The following SLC5A8 variants were observed in gnomAD, a reference collection of about 807,000 sequenced individuals.
SLC5A8 encodes solute carrier family 5 member 8.
A neutral mutation model predicts 71.9 loss-of-function variants in SLC5A8; 55 were observed. The observed-to-expected ratio is 0.77, with a 90% CI of 0.62 to 0.96. The LOEUF is 0.96. Ranked by LOEUF, SLC5A8 falls within the 40% of genes least tolerant of loss-of-function variation. SLC5A8 has a pLI of 0.00. For synonymous variants in SLC5A8, 307 were observed against 276.1 expected (o/e 1.11, Z -1.11); for missense variants, 701 against 745.3 (o/e 0.94, Z 0.69).
intron 1 of SLC5A8, among the ~76,000 whole-genome samples, chr12:101,205,523 A>C (rs1869642334): frequency 6.6e-6 from 1 of 152,216 alleles, no homozygotes; most frequent in African/African-American, 2.4e-5. Context: ...ATTACTAAGA[A>C]GTTTAAGGCT....
chr12:101,169,651 C>CAG (rs1358343796), intron 10 of SLC5A8, among the ~76,000 whole-genome samples: 1 of 152,160 alleles, frequency 6.6e-6, no homozygotes, highest in Non-Finnish European at 1.5e-5. Flanking sequence ...TCCAGGATCC[C>CAG]AGAGGAGCAG....
At chr12:101,171,868 C>T (rs1400191409) in intron 10 of SLC5A8, among the ~76,000 whole-genome samples, 2 of 152,030 alleles carry the variant, frequency 1.3e-5, no homozygotes, top group Admixed American at 6.6e-5. Context: ...TCAGGCCACC[C>T]GGAGTAGCAG....
At chr12:101,182,961 A>C (rs370867293) in intron 8 of SLC5A8, 46 bp from the exon 9 acceptor site, 478 of 1,090,540 alleles carry the variant, frequency 4.4e-4, no homozygotes, top group Non-Finnish European at 5.8e-4. Context: ...TTTACCTTTA[A>C]TAATACTTTA....
intron 3 of SLC5A8, among the ~76,000 whole-genome samples, chr12:101,198,436 G>A (rs1265784597): frequency 6.6e-6 from 1 of 151,810 alleles, no homozygotes; most frequent in African/African-American, 2.4e-5. Flanking sequence ...TCGATATTAG[G>A]AATAATTAGA....
At chr12:101,201,887 C>T (rs910276547) in intron 3 of SLC5A8, among the ~76,000 whole-genome samples, 2 of 152,136 alleles carry the variant, frequency 1.3e-5, no homozygotes, top group African/African-American at 4.8e-5. Context: ...CTACAGGGAG[C>T]TTTAATTCTA....
chr12:101,165,406 C>T (rs2051759807), intron 12 of SLC5A8, among the ~76,000 whole-genome samples: 1 of 152,134 alleles, frequency 6.6e-6, no homozygotes, highest in Non-Finnish European at 1.5e-5. Flanking sequence ...TTCAATTAAT[C>T]TTTTCTCCCT....
rs1326669853 is a variant in SLC5A8 at position 101,210,218 on chromosome 12, C to G, written c.-370G>C. ...GCTTCCAGCGAATCTACACAGGGAG[C>G]GCTCTGGGCAGGTTTTGTTCAAGTG... is the stretch of plus-strand genomic sequence containing the variant. On this transcript the variant is annotated 5_prime_UTR_variant, in exon 1 of 15. Transcript: ENST00000536262. The G allele has an allele frequency of 1.2e-5, 3 of 243,878 alleles. No individual in the cohort carries two copies. Among genetic ancestry groups the G allele is most frequent in the African/African-American group, 4.5e-5 (2 of 44,674 alleles). The allele number at this position is 243,878 out of a possible 1,614,324, so 15.1% of individuals were successfully genotyped here.
chr12:101,171,897 C>A (rs968864858), intron 10 of SLC5A8, among the ~76,000 whole-genome samples: 1 of 152,160 alleles, frequency 6.6e-6, no homozygotes, highest in Non-Finnish European at 1.5e-5. Flanking sequence ...CACGGGCACA[C>A]TGGGGCTTGG....
chr12:101,158,189 T>C, intron 14 of SLC5A8, 60 bp downstream of exon 14: 1 of 1,131,080 alleles, frequency 8.8e-7, no homozygotes, highest in Non-Finnish European at 1.3e-6. Flanking sequence ...AACTAATTAG[T>C]GTTCTATCCA....
intron 9 of SLC5A8, 82 bp from the exon 10 acceptor site, chr12:101,180,178 G>T (rs1261277856): frequency 3.0e-6 from 4 of 1,348,658 alleles, no homozygotes; most frequent in Non-Finnish European, 4.3e-6. Flanking sequence ...CCACACCTTT[G>T]ATTCAAAGTG....
Position 101,180,205 on chromosome 12 carries a change from T to G in SLC5A8, c.1166-109A>C. 3 of 1,117,350 alleles carry G rather than the reference T, an allele frequency of 2.7e-6. No individual in the cohort carries two copies. The South Asian group carries it at 3.7e-5, about 14-fold the overall frequency. The allele number at this position is 1,117,350 out of a possible 1,614,324, so 69.2% of individuals were successfully genotyped here. On this transcript the variant is annotated intron_variant, in intron 9 of 14. Transcript: ENST00000536262. ...TTCAAAGTGGATAATATGACTGTGG[T>G]GAAGAATGGCCACACACATCAGAGC...
intron 13 of SLC5A8, among the ~76,000 whole-genome samples, chr12:101,160,340 A>G (rs1306439630): frequency 6.6e-6 from 1 of 152,232 alleles, no homozygotes; most frequent in Non-Finnish European, 1.5e-5. Flanking sequence ...AATAATGAAT[A>G]GCAACAAATT....
At chr12:101,158,098 A>G (rs755134015) in intron 14 of SLC5A8, 151 bp downstream of exon 14, 91 of 625,718 alleles carry the variant, frequency 1.5e-4, no homozygotes, top group Non-Finnish European at 2.4e-4. Context: ...TAGGATAGAG[A>G]GCTATCCAAC....
chr12:101,209,481 C>A lies in SLC5A8; in HGVS notation c.351+17G>T, dbSNP rs955207890. On this transcript the variant is annotated intron_variant, in intron 1 of 14. Coordinates refer to ENST00000536262, the MANE Select transcript of SLC5A8 (RefSeq NM_145913.5). ...TCCCCCGCGCCCTGCATGGTCCCAG[C>A]CCACCCTGCCCCTTACCTCGTAGGT... 1 of 1,470,350 alleles carries A rather than the reference C, an allele frequency of 6.8e-7. No homozygotes were observed. The highest frequency in any genetic ancestry group is 2.3e-5 in the East Asian group (1 of 42,990). 91.1% of individuals were successfully genotyped at this position (1,470,350 alleles called of 1,614,324 possible). A position where few individuals can be genotyped will look rare whatever the true frequency, so the allele number is the denominator to read the frequency against.
At chr12:101,207,987 T>G (rs1869743167) in intron 1 of SLC5A8, among the ~76,000 whole-genome samples, 1 of 152,004 alleles carries the variant, frequency 6.6e-6, no homozygotes, top group Non-Finnish European at 1.5e-5. Flanking sequence ...AGCTATAAAC[T>G]TGAGTTCCTG....
chr12:101,191,017 G>A (rs1047010279), intron 5 of SLC5A8, among the ~76,000 whole-genome samples: 8 of 152,026 alleles, frequency 5.3e-5, no homozygotes, highest in East Asian at 3.9e-4. Flanking sequence ...AAATGAACAC[G>A]AAATCAACAC....
chr12:101,195,871 T>C (rs1476792751), intron 3 of SLC5A8, among the ~76,000 whole-genome samples: 1 of 152,038 alleles, frequency 6.6e-6, no homozygotes, highest in Admixed American at 6.6e-5. Context: ...TAATTTTTTG[T>C]ACTTTTAGTA....
intron 13 of SLC5A8, among the ~76,000 whole-genome samples, chr12:101,158,580 CTCTCTCTCTCTCTCTCTCTA>C (rs1461245160): frequency 2.1e-3 from 124 of 59,452 alleles, no homozygotes; most frequent in African/African-American, 6.6e-3. Flanking sequence ...CTCTCTCTCT[CTCTCTCTCTCTCTCTCTCTA>C]TATATATATA....
At position 101,209,776 on chromosome 12, in the gene SLC5A8, A is replaced by C; in HGVS notation, c.73T>G (p.Ser25Ala). The change falls in exon 1 of 15, where the codon TCG becomes GCG. Residue 25 changes from serine (S) to alanine (A), a missense_variant. Ser to Ala is a moderately conservative substitution (Grantham distance 99). Transcript: ENST00000536262. Reference protein sequence around the residue: ...YVVFAGMLVISAAIGIYYAFA... With the variant: ...YVVFAGMLVIAAAIGIYYAFA... ...GCGTAGTAGATGCCGATGGCGGCCG[A>C]GATGACCAGCATGCCCGCGAACACC... 1 of 1,610,146 alleles carries C rather than the reference A, an allele frequency of 6.2e-7. No individual in the cohort carries two copies. The highest frequency in any genetic ancestry group is 8.5e-7 in the Non-Finnish European group (1 of 1,178,212).
Sources: allele counts gnomAD v4.1 joint callset (sites outside exome capture counted in the v4.1 genomes callset), GRCh38; gene constraint gnomAD v4.1.1; transcripts MANE v1.5; gene names NCBI Gene and HGNC (gene_info 2026-07-23, HGNC 2026-07-21).